Variants in ZNF567 observed in about 807,000 individuals in gnomAD.
ZNF567 encodes zinc finger protein 567.
A neutral mutation model predicts 53.9 loss-of-function variants in ZNF567; 36 were observed. That is an observed-to-expected ratio of 0.67 (90% confidence interval 0.51 to 0.88). ZNF567 has a LOEUF of 0.88. Ranked by LOEUF, ZNF567 falls within the 40% of genes least tolerant of loss-of-function variation. The probability of loss-of-function intolerance (pLI) is 0.00; values close to 1 mark genes in which losing one functional copy is unlikely to be tolerated. For synonymous variants in ZNF567, 224 were observed against 260.4 expected (o/e 0.86, Z 1.35); for missense variants, 619 against 764.7 (o/e 0.81, Z 2.25).
chr19:36,719,599 G>A lies in ZNF567; in HGVS notation c.875G>A (p.Arg292Lys). Residue 292 changes from arginine (R) to lysine (K), a missense_variant, in exon 6 of 6, where the codon AGG (arginine) becomes AAG (lysine). Transcript: ENST00000682579. ...CATCAATGTGGAAATGCATTTAGAA[G>A]GAAATCATATCTCATTGATCATCAG... ...QCHQCGNAFR[R>K]KSYLIDHQRT... 6.2e-7 allele frequency: 1 copy of A among 1,614,104 alleles called. No homozygotes were observed. The highest frequency in any genetic ancestry group is 8.5e-7 in the Non-Finnish European group (1 of 1,180,012).
downstream of ZNF567, among the ~76,000 whole-genome samples, chr19:36,724,858 A>C (rs574055809): frequency 6.6e-6 from 1 of 151,766 alleles, no homozygotes; most frequent in East Asian, 1.9e-4. Context: ...AAAAAATTAA[A>C]AAAAAAAAAA....
In ZNF567 at chr19:36,689,271, GTGTA is replaced by G. The variant is rs1258730276; in HGVS notation, c.-167-124_-167-121del. On this transcript the variant is annotated intron_variant, in intron 1 of 5. Coordinates refer to ENST00000682579, the MANE Select transcript of ZNF567 (RefSeq NM_001322917.1). ...TGTGTGTGTGTGTGTGTGTGTGTGT[GTGTA>G]TTTATTTTTTTTTTTGCTGGATGAA... 3 of 125,836 alleles carry G rather than the reference GTGTA, an allele frequency of 2.4e-5. No individual in the cohort carries two copies. In the Admixed American group the frequency reaches 2.6e-4, roughly 11 times the overall value. The allele number at this position is 125,836 out of a possible 1,614,324, so 7.8% of individuals were successfully genotyped here.
At chr19:36,668,394 T>C in the ZNF567 span, 1 of 152,338 alleles carries the variant, frequency 6.6e-6, no homozygotes, top group Non-Finnish European at 1.5e-5. Flanking sequence ...CCCGTGTGAT[T>C]GCCACGTTTG....
chr19:36,682,611 TTA>T (rs368910458), upstream of ZNF567, among the ~76,000 whole-genome samples: 15 of 142,416 alleles, frequency 1.1e-4, no homozygotes, highest in East Asian at 4.1e-4. Context: ...ATTATTATTA[TTA>T]TTTTTTTTTT....
At chr19:36,694,943 C>A in intron 3 of ZNF567, 67 bp downstream of exon 3, 1 of 1,464,004 alleles carries the variant, frequency 6.8e-7, no homozygotes, top group Non-Finnish European at 9.0e-7. Flanking sequence ...GATATTTGGG[C>A]ATGTGTCGGT....
chr19:36,696,838 G>A (rs3108181), intron 3 of ZNF567, among the ~76,000 whole-genome samples: 95,227 of 152,052 alleles, frequency 0.63, 29,932 homozygotes, highest in East Asian at 0.8. Context: ...AGAGCTTACC[G>A]TTTTAACCAT....
At chr19:36,672,909 A>G in the ZNF567 span, among the ~76,000 whole-genome samples, 2 of 152,344 alleles carry the variant, frequency 1.3e-5, no homozygotes, top group Middle Eastern at 3.4e-3. Context: ...GAAGGTAGGT[A>G]TGAATACCAG....
chr19:36,694,835 A>G lies in ZNF567; in HGVS notation c.-33A>G. On this transcript the variant is annotated 5_prime_UTR_variant, in exon 3 of 6. Transcript: ENST00000682579. ...TCTTTTCTAAAGAGGACTCCAAAGGAAGGACTGGTCATCTCTTTCATATCT... is the reference window on the plus strand; with the variant it reads ...TCTTTTCTAAAGAGGACTCCAAAGGGAGGACTGGTCATCTCTTTCATATCT... 1 of 1,521,026 alleles carries G rather than the reference A, an allele frequency of 6.6e-7. No individual in the cohort carries two copies. The highest frequency in any genetic ancestry group is 8.7e-7 in the Non-Finnish European group (1 of 1,142,978). The allele number at this position is 1,521,026 out of a possible 1,614,324, so 94.2% of individuals were successfully genotyped here.
At chr19:36,684,239 A>C (rs2145476403), upstream of ZNF567, among the ~76,000 whole-genome samples, 1 of 152,336 alleles carries the variant, frequency 6.6e-6, no homozygotes, top group East Asian at 1.9e-4. Context: ...TGAATGAAAA[A>C]GTCCTATAAG....
rs775528762 is a variant in ZNF567 at position 36,720,557 on chromosome 19, C to T, written c.1833C>T (p.His611=). Residue 611 remains histidine (H), a synonymous_variant, in exon 6 of 6, where the codon CAC becomes CAT. Coordinates refer to ENST00000682579, the MANE Select transcript of ZNF567 (RefSeq NM_001322917.1). ...ATCTTATTGTACATCAGAGAACTCA[C>T]ACAGGTGAGAAACCCTATGTTTGTA... The part of the protein sequence containing the change: ...KTNLIVHQRT[H]TGEKPYVCNE... 3.2e-5 allele frequency: 52 copies of T among 1,613,724 alleles called. No individual in the cohort carries two copies. The South Asian group carries it at 5.7e-4, about 18-fold the overall frequency.
At chr19:36,714,646 A>G in intron 5 of ZNF567, 1 of 381,996 alleles carries the variant, frequency 2.6e-6, no homozygotes, top group Non-Finnish European at 4.6e-6. Context: ...CTCACTTAAC[A>G]CAACCCAGGT....
chr19:36,675,048 C>T, the ZNF567 span, among the ~76,000 whole-genome samples: 4 of 152,238 alleles, frequency 2.6e-5, no homozygotes, highest in African/African-American at 7.2e-5. Context: ...CCACTGCAGC[C>T]GGCCTAAAAG....
At chr19:36,698,867 A>T (rs1446611034) in intron 3 of ZNF567, among the ~76,000 whole-genome samples, 2 of 152,056 alleles carry the variant, frequency 1.3e-5, no homozygotes, top group African/African-American at 4.8e-5. Flanking sequence ...CCCATTTTGT[A>T]GGTTGCCTGT....
intron 3 of ZNF567, among the ~76,000 whole-genome samples, chr19:36,706,407 C>T (rs534096882): frequency 6.6e-6 from 1 of 152,226 alleles, no homozygotes; most frequent in South Asian, 2.1e-4. Flanking sequence ...GATCCTCTCA[C>T]GTCAGCCTCC....
chr19:36,667,087 T>A, the ZNF567 span, among the ~76,000 whole-genome samples: 1 of 152,090 alleles, frequency 6.6e-6, no homozygotes, highest in African/African-American at 2.4e-5. Flanking sequence ...TGAAGATAAT[T>A]TTCGGCGGGC....
At chr19:36,691,203 G>C (rs2038589883) in intron 2 of ZNF567, among the ~76,000 whole-genome samples, 1 of 151,956 alleles carries the variant, frequency 6.6e-6, no homozygotes, top group Non-Finnish European at 1.5e-5. Context: ...CGTTGCCCAG[G>C]CTGGAGTGCA....
At chr19:36,672,358 A>T in the ZNF567 span, among the ~76,000 whole-genome samples, 2 of 152,226 alleles carry the variant, frequency 1.3e-5, no homozygotes, top group African/African-American at 4.8e-5. Flanking sequence ...CAGGTAAAAA[A>T]TATAAAGATA....
At chr19:36,724,472 CAG>C, downstream of ZNF567, among the ~76,000 whole-genome samples, 1 of 151,642 alleles carries the variant, frequency 6.6e-6, no homozygotes, top group South Asian at 2.1e-4. Context: ...CAATTGAGGT[CAG>C]AAGTTCAAGA....
chr19:36,690,755 T>C (rs2038559943), intron 2 of ZNF567, among the ~76,000 whole-genome samples: 1 of 152,226 alleles, frequency 6.6e-6, no homozygotes, highest in African/African-American at 2.4e-5. Context: ...TTTGTGAATA[T>C]ACCAACAACC....
Sources: gnomAD v4.1 joint callset for allele counts (sites outside exome capture counted in the v4.1 genomes callset) on GRCh38, gnomAD v4.1.1 for gene constraint, MANE v1.5 for transcripts, NCBI Gene and HGNC (gene_info 2026-07-23, HGNC 2026-07-21) for gene names.